The following IRAK1BP1 variants were observed in gnomAD, a reference collection of about 807,000 sequenced individuals.
IRAK1BP1 encodes the protein interleukin-1 receptor-associated kinase 1-binding protein 1.
In IRAK1BP1, 24 loss-of-function variants were observed where a neutral mutation model predicts 28.0. The ratio of observed to expected loss-of-function variants is 0.86; its 90% CI spans 0.62 to 1.20. The LOEUF is 1.20. Among genes scored for constraint, IRAK1BP1 ranks in the 50% most tolerant of loss-of-function variants. The pLI is 0.00. For synonymous variants in IRAK1BP1, 131 were observed against 116.3 expected (o/e 1.13, Z -0.81); for missense variants, 336 against 316.7 (o/e 1.06, Z -0.46).
At chr6:78,949,434 C>G (rs1317539858), downstream of IRAK1BP1, among the ~76,000 whole-genome samples, 2 of 152,110 alleles carry the variant, frequency 1.3e-5, no homozygotes, top group African/African-American at 4.8e-5. Context: ...CAGTATTTCC[C>G]TGTTTTAAAT....
the IRAK1BP1 span, among the ~76,000 whole-genome samples, chr6:78,955,442 AT>A: frequency 4.5e-4 from 69 of 151,778 alleles, no homozygotes; most frequent in Middle Eastern, 3.4e-3. Flanking sequence ...CCATTAAAAA[AT>A]TTTTTTTAAC....
At chr6:78,929,196 A>G (rs1772977878) in intron 4 of IRAK1BP1, among the ~76,000 whole-genome samples, 1 of 151,914 alleles carries the variant, frequency 6.6e-6, no homozygotes, top group Non-Finnish European at 1.5e-5. Context: ...ATTACTTGTT[A>G]TTGGTCTGTT....
At chr6:78,942,304 G>A (rs777880405) in intron 4 of IRAK1BP1, among the ~76,000 whole-genome samples, 3 of 152,092 alleles carry the variant, frequency 2.0e-5, no homozygotes, top group Non-Finnish European at 2.9e-5. Flanking sequence ...CCAACATGGC[G>A]AAACCCCGTC....
At chr6:78,978,633 T>C in the IRAK1BP1 span, 13 of 1,593,576 alleles carry the variant, frequency 8.2e-6, no homozygotes, top group Admixed American at 1.7e-5. Context: ...CTTCGGGGAA[T>C]GGTATCTGTA....
chr6:78,868,947 C>G (rs1165522558), intron 1 of IRAK1BP1, among the ~76,000 whole-genome samples: 2 of 151,916 alleles, frequency 1.3e-5, no homozygotes, highest in Non-Finnish European at 2.9e-5. Flanking sequence ...TTCCATACCC[C>G]GAAAAAGCAA....
At chr6:78,869,266 T>G (rs1336061488) in intron 1 of IRAK1BP1, among the ~76,000 whole-genome samples, 6 of 152,246 alleles carry the variant, frequency 3.9e-5, no homozygotes, top group African/African-American at 1.4e-4. Flanking sequence ...ATGCCTGTAA[T>G]GCCAACACTT....
At chr6:78,933,477 T>C (rs894163717) in intron 4 of IRAK1BP1, among the ~76,000 whole-genome samples, 4 of 152,038 alleles carry the variant, frequency 2.6e-5, no homozygotes, top group African/African-American at 9.7e-5. Context: ...TAGCCAGGCA[T>C]GGTGGCAGGC....
chr6:78,971,936 C>G, the IRAK1BP1 span, among the ~76,000 whole-genome samples: 1 of 152,182 alleles, frequency 6.6e-6, no homozygotes. Context: ...TGCAAGGCGG[C>G]AGCGAGGCTG....
At chr6:78,924,194 A>G (rs557899864) in intron 4 of IRAK1BP1, among the ~76,000 whole-genome samples, 1 of 152,338 alleles carries the variant, frequency 6.6e-6, no homozygotes, top group African/African-American at 2.4e-5. Context: ...AGAAGAAAAG[A>G]GAAGTATCAA....
At chr6:78,912,814 C>T (rs1281463196) in intron 4 of IRAK1BP1, among the ~76,000 whole-genome samples, 1 of 151,906 alleles carries the variant, frequency 6.6e-6, no homozygotes, top group East Asian at 1.9e-4. Context: ...GAATATGCCA[C>T]CAGAAATGTG....
downstream of IRAK1BP1, chr6:78,903,252 G>T: frequency 2.1e-6 from 1 of 487,346 alleles, no homozygotes; most frequent in South Asian, 4.2e-5. Context: ...GGAGGCCGAG[G>T]CAGGTGGATC....
chr6:78,946,677 G>T (rs765773732), downstream of IRAK1BP1: 6 of 1,504,010 alleles, frequency 4.0e-6, no homozygotes, highest in African/African-American at 1.5e-5. Flanking sequence ...GAAAGTTATA[G>T]ATCAGCTAGT....
chr6:78,963,000 A>G, the IRAK1BP1 span: 2 of 1,033,680 alleles, frequency 1.9e-6, no homozygotes, highest in Non-Finnish European at 2.8e-6. Context: ...CTGACTTAGG[A>G]TATTGTGAAA....
chr6:78,958,796 G>A, the IRAK1BP1 span, among the ~76,000 whole-genome samples: 1 of 152,008 alleles, frequency 6.6e-6, no homozygotes, highest in Non-Finnish European at 1.5e-5. Context: ...CCATAACTAC[G>A]TATTTGCATA....
intron 1 of IRAK1BP1, among the ~76,000 whole-genome samples, chr6:78,883,334 A>G (rs1771298883): frequency 6.6e-6 from 1 of 152,208 alleles, no homozygotes; most frequent in African/African-American, 2.4e-5. Context: ...AGATACATTT[A>G]TATGCATTGA....
the IRAK1BP1 span, among the ~76,000 whole-genome samples, chr6:78,975,286 C>T: frequency 6.6e-6 from 1 of 152,126 alleles, no homozygotes; most frequent in Non-Finnish European, 1.5e-5. Context: ...ATGATTATCT[C>T]AATAGATGCA....
intron 1 of IRAK1BP1, among the ~76,000 whole-genome samples, chr6:78,878,844 C>T (rs552765351): frequency 2.0e-5 from 3 of 152,244 alleles, no homozygotes; most frequent in South Asian, 2.1e-4. Flanking sequence ...ACAAGAACTA[C>T]GTGACGCATG....
intron 4 of IRAK1BP1, among the ~76,000 whole-genome samples, chr6:78,918,343 T>C (rs1320197931): frequency 6.6e-6 from 1 of 151,964 alleles, no homozygotes; most frequent in East Asian, 1.9e-4. Flanking sequence ...AGTATACACG[T>C]ATCAATATTA....
chr6:78,909,391 C>T (rs897066369), intron 4 of IRAK1BP1, among the ~76,000 whole-genome samples: 1 of 152,206 alleles, frequency 6.6e-6, no homozygotes, highest in Non-Finnish European at 1.5e-5. Context: ...AGCACAGCCT[C>T]CTTCTCTTTC....
Sources: gnomAD v4.1 joint callset for allele counts (sites outside exome capture counted in the v4.1 genomes callset) on GRCh38, gnomAD v4.1.1 for gene constraint, MANE v1.5 for transcripts, NCBI Gene and HGNC (gene_info 2026-07-23, HGNC 2026-07-21) for gene names.